Variants in GLCE observed in about 807,000 individuals in gnomAD.
GLCE encodes the protein D-glucuronyl C5-epimerase.
In GLCE, 19 loss-of-function variants were observed where a neutral mutation model predicts 47.9. The observed-to-expected ratio is 0.40, with a 90% confidence interval of 0.28 to 0.58. The LOEUF (loss-of-function observed/expected upper bound fraction) is 0.58, where lower values mean the gene tolerates loss of function less well. Ranked by LOEUF, GLCE falls within the 20% of genes least tolerant of loss-of-function variation. The probability of loss-of-function intolerance (pLI) is 0.48; values close to 1 mark genes in which losing one functional copy is unlikely to be tolerated. For synonymous variants in GLCE, 245 were observed against 263.4 expected (o/e 0.93, Z 0.68); for missense variants, 556 against 743.3 (o/e 0.75, Z 2.93).
intron 1 of GLCE, among the ~76,000 whole-genome samples, chr15:69,197,843 A>G (rs919602149): frequency 6.6e-6 from 1 of 152,126 alleles, no homozygotes; most frequent in Non-Finnish European, 1.5e-5. Flanking sequence ...GCTTTAAAAA[A>G]TTTTTTGGTT....
intron 1 of GLCE, among the ~76,000 whole-genome samples, chr15:69,162,013 A>G (rs1050118667): frequency 6.6e-6 from 1 of 152,192 alleles, no homozygotes; most frequent in African/African-American, 2.4e-5. Context: ...GCAGAGTCGG[A>G]TAGTGCAGGG....
chr15:69,197,665 G>A (rs1258893000), intron 1 of GLCE, among the ~76,000 whole-genome samples: 1 of 152,124 alleles, frequency 6.6e-6, no homozygotes. Context: ...GGAAGATGTT[G>A]GTGACCTTAA....
intron 1 of GLCE, chr15:69,197,203 G>T: frequency 2.4e-6 from 1 of 420,460 alleles, no homozygotes; most frequent in South Asian, 1.8e-5. Flanking sequence ...TGAATGAATT[G>T]GGCACAAAGT....
At chr15:69,168,574 C>T (rs2051539615) in intron 1 of GLCE, among the ~76,000 whole-genome samples, 2 of 150,136 alleles carry the variant, frequency 1.3e-5, no homozygotes, top group Non-Finnish European at 3.0e-5. Flanking sequence ...GCTTCTGTTG[C>T]GTAGGCTGGA....
At chr15:69,169,258 T>G (rs530252459) in intron 1 of GLCE, among the ~76,000 whole-genome samples, 65 of 152,322 alleles carry the variant, frequency 4.3e-4, no homozygotes, top group Middle Eastern at 3.4e-3. Context: ...CTGTTTCCAG[T>G]GTTTAGTTCT....
At chr15:69,176,366 G>C in intron 1 of GLCE, among the ~76,000 whole-genome samples, 1 of 151,584 alleles carries the variant, frequency 6.6e-6, no homozygotes, top group South Asian at 2.1e-4. Flanking sequence ...TGGGACTGCA[G>C]GTGGGCAATA....
intron 2 of GLCE, among the ~76,000 whole-genome samples, chr15:69,227,039 C>T (rs2052459557): frequency 6.6e-6 from 1 of 151,976 alleles, no homozygotes; most frequent in Admixed American, 6.6e-5. Flanking sequence ...GCCACCATGC[C>T]CAGCCAAGAG....
chr15:69,181,978 T>C (rs1455009161), intron 1 of GLCE, among the ~76,000 whole-genome samples: 2 of 151,866 alleles, frequency 1.3e-5, no homozygotes, highest in Non-Finnish European at 2.9e-5. Flanking sequence ...AATCAGAATA[T>C]GTGGGCACAG....
chr15:69,229,623 GT>G lies in GLCE; in HGVS notation c.-14+19224del, dbSNP rs374997215. ...TATGGAATTTTTCACATAAGTAGAG[GT>G]TTTTTTGTTTTTTTAAAGCAGTATA... On this transcript the variant is annotated intron_variant, in intron 2 of 4. Coordinates refer to ENST00000261858, the MANE Select transcript of GLCE (RefSeq NM_015554.3). 4.6e-5 allele frequency among the ~76,000 whole-genome samples: 7 copies of G among 151,526 alleles called. No homozygotes were observed. The South Asian group carries it at 1.5e-3, about 32-fold the overall frequency.
intron 1 of GLCE, among the ~76,000 whole-genome samples, chr15:69,161,032 G>A (rs1168574392): frequency 6.6e-6 from 1 of 151,952 alleles, no homozygotes; most frequent in Non-Finnish European, 1.5e-5. Flanking sequence ...CCGGCTTGGG[G>A]TAGGGGTGGG....
chr15:69,259,125 C>G (rs1595788535), intron 3 of GLCE, among the ~76,000 whole-genome samples: 1 of 152,136 alleles, frequency 6.6e-6, no homozygotes, highest in East Asian at 1.9e-4. Context: ...AATTTTCTCT[C>G]TTTAACAACT....
chr15:69,162,185 T>A lies in GLCE; in HGVS notation c.-105+1428T>A, dbSNP rs180880303. Among the ~76,000 whole-genome samples the A allele has an allele frequency of 1.1e-3, 162 of 152,334 alleles. 1 individual carries two copies. The highest frequency in any genetic ancestry group is 2.9e-3 in the South Asian group (14 of 4,828). On this transcript the variant is annotated intron_variant, in intron 1 of 4. Coordinates refer to ENST00000261858, the MANE Select transcript of GLCE (RefSeq NM_015554.3). ...GTAAGGATGGTTAATCGAGCTTTTTTAGAGAATTCTGCTTAACAGTTTCAT... is the reference window on the plus strand; with the variant it reads ...GTAAGGATGGTTAATCGAGCTTTTTAAGAGAATTCTGCTTAACAGTTTCAT...
rs200073303 is a variant in GLCE at position 69,268,493 on chromosome 15, A to T, written c.1103A>T (p.Lys368Ile). 8.7e-6 allele frequency: 14 copies of T among 1,614,062 alleles called. No individual in the cohort carries two copies. Among genetic ancestry groups the T allele is most frequent in the Non-Finnish European group, 8.5e-7 (1 of 1,180,048 alleles). The change falls in exon 5 of 5, where the codon AAA (lysine) becomes ATA (isoleucine). Residue 368 changes from lysine to isoleucine, a missense_variant. This residue lies in a region of GLCE where 245 missense variants were observed against 368.1 expected (regional missense o/e 0.67). Coordinates refer to ENST00000261858, the MANE Select transcript of GLCE (RefSeq NM_015554.3). ...LRKGVGLSNT[K>I]AVKPTKIMPK... The stretch of plus-strand genomic sequence containing the variant: ...AAAGGAGTGGGTCTTTCAAACACAA[A>T]AGCTGTCAAGCCAACCAAAATAATG...
At chr15:69,196,024 A>T in intron 1 of GLCE, among the ~76,000 whole-genome samples, 1 of 152,062 alleles carries the variant, frequency 6.6e-6, no homozygotes, top group Non-Finnish European at 1.5e-5. Flanking sequence ...GGGAAAGGGG[A>T]TGGGGGAGTG....
intron 1 of GLCE, among the ~76,000 whole-genome samples, chr15:69,180,151 A>G (rs1045261838): frequency 1.3e-5 from 2 of 152,220 alleles, no homozygotes; most frequent in East Asian, 1.9e-4. Flanking sequence ...ACCACTAACT[A>G]ACCAGATGTA....
chr15:69,227,813 A>G (rs2052470413), intron 2 of GLCE, among the ~76,000 whole-genome samples: 1 of 152,138 alleles, frequency 6.6e-6, no homozygotes, highest in South Asian at 2.1e-4. Flanking sequence ...TCCCTTTTGT[A>G]TTTTTATACA....
intron 1 of GLCE, among the ~76,000 whole-genome samples, chr15:69,190,362 A>AT (rs2051895407): frequency 2.6e-5 from 4 of 152,044 alleles, no homozygotes; most frequent in African/African-American, 9.7e-5. Context: ...TTTGTCTACT[A>AT]GTTGTGTCAT....
chr15:69,248,884 C>T (rs2052795194), intron 2 of GLCE, among the ~76,000 whole-genome samples: 1 of 152,146 alleles, frequency 6.6e-6, no homozygotes, highest in Non-Finnish European at 1.5e-5. Flanking sequence ...GGATTACAGG[C>T]ATGAGCCAAG....
chr15:69,215,558 G>GTGTA (rs2052295381), intron 2 of GLCE, among the ~76,000 whole-genome samples: 1 of 151,830 alleles, frequency 6.6e-6, no homozygotes. Context: ...GTGTGTGTGT[G>GTGTA]TGTGTCTCTG....
Sources: gnomAD v4.1 joint callset for allele counts (sites outside exome capture counted in the v4.1 genomes callset) on GRCh38, gnomAD v4.1.1 for gene constraint, gnomAD v4.1.1 regional missense constraint, MANE v1.5 for transcripts, NCBI Gene and HGNC (gene_info 2026-07-23, HGNC 2026-07-21) for gene names.